Variants in LCLAT1 observed in about 807,000 individuals in gnomAD.
LCLAT1 encodes the protein 1-AGP acyltransferase 8.
A neutral mutation model predicts 30.7 loss-of-function variants in LCLAT1; 11 were observed. That is an observed-to-expected ratio of 0.36 (90% CI 0.23 to 0.59). The LOEUF is 0.59. LCLAT1 is among the 20% of genes least tolerant of loss of function. The pLI is 0.77. For missense variants in LCLAT1, 402 were observed against 458.6 expected (o/e 0.88, Z 1.13); for synonymous variants, 155 against 151.3 (o/e 1.02, Z -0.18).
At chr2:30,498,649 A>C (rs1246083327) in intron 1 of LCLAT1, among the ~76,000 whole-genome samples, 1 of 152,068 alleles carries the variant, frequency 6.6e-6, no homozygotes, top group African/African-American at 2.4e-5. Flanking sequence ...TTCTTACTTT[A>C]TCCTCTCTCA....
At chr2:30,552,589 G>A (rs1455759542) in intron 3 of LCLAT1, 2 of 439,468 alleles carry the variant, frequency 4.6e-6, no homozygotes, top group African/African-American at 2.0e-5. Context: ...GTTTTTAAAA[G>A]CCTTCGTGGA....
At chr2:30,639,252 C>T (rs1255522510) in intron 5 of LCLAT1, among the ~76,000 whole-genome samples, 3 of 152,204 alleles carry the variant, frequency 2.0e-5, no homozygotes, top group South Asian at 4.1e-4. Context: ...TAACACCTTA[C>T]GTGTTCCCAT....
At chr2:30,457,549 CTT>C (rs982595520) in intron 1 of LCLAT1, among the ~76,000 whole-genome samples, 6 of 152,160 alleles carry the variant, frequency 3.9e-5, no homozygotes, top group Non-Finnish European at 8.8e-5. Context: ...TTCTTTTTCT[CTT>C]TTGTGGAAGA....
chr2:30,519,127 G>A (rs921571216), intron 1 of LCLAT1, among the ~76,000 whole-genome samples: 1 of 152,184 alleles, frequency 6.6e-6, no homozygotes, highest in Non-Finnish European at 1.5e-5. Context: ...AACACATCCA[G>A]CTTATACTGG....
At chr2:30,466,753 A>G (rs991758781) in intron 1 of LCLAT1, among the ~76,000 whole-genome samples, 1 of 152,000 alleles carries the variant, frequency 6.6e-6, no homozygotes, top group Non-Finnish European at 1.5e-5. Flanking sequence ...CAAGCTCCCC[A>G]CCCCCTGGTA....
chr2:30,567,975 T>A (rs1665570587), intron 4 of LCLAT1, 85 bp from the exon 5 acceptor site: 6 of 685,512 alleles, frequency 8.8e-6, no homozygotes, highest in African/African-American at 1.8e-5. Flanking sequence ...AGCTATTTTT[T>A]ATCAAAAAAA....
chr2:30,503,308 A>G (rs751112745), intron 1 of LCLAT1, among the ~76,000 whole-genome samples: 36 of 152,154 alleles, frequency 2.4e-4, no homozygotes, highest in Admixed American at 1.2e-3. Context: ...TGACCAGAAA[A>G]CAAGTCCTGC....
intron 5 of LCLAT1, among the ~76,000 whole-genome samples, chr2:30,581,655 G>A (rs1395667855): frequency 6.6e-6 from 1 of 152,078 alleles, no homozygotes; most frequent in Non-Finnish European, 1.5e-5. Context: ...AATAAACCAG[G>A]CACAGAAAGA....
At chr2:30,634,948 T>G (rs1668953807) in intron 5 of LCLAT1, among the ~76,000 whole-genome samples, 1 of 152,256 alleles carries the variant, frequency 6.6e-6, no homozygotes, top group South Asian at 2.1e-4. Context: ...ACTGGCTCCC[T>G]GTGCCAGAGG....
intron 1 of LCLAT1, among the ~76,000 whole-genome samples, chr2:30,468,563 T>G (rs750472601): frequency 3.9e-5 from 6 of 152,120 alleles, no homozygotes; most frequent in Non-Finnish European, 5.9e-5. Flanking sequence ...TACAAGAAAT[T>G]AAGCATTTTA....
chr2:30,555,245 C>T (rs964532420), intron 3 of LCLAT1, among the ~76,000 whole-genome samples: 6 of 151,724 alleles, frequency 4.0e-5, no homozygotes, highest in African/African-American at 1.5e-4. Context: ...GATTTGGAAC[C>T]GCAAAATGCT....
At chr2:30,604,983 T>C (rs1667367224) in intron 5 of LCLAT1, among the ~76,000 whole-genome samples, 1 of 152,244 alleles carries the variant, frequency 6.6e-6, no homozygotes, top group African/African-American at 2.4e-5. Context: ...GAGGTTGCAC[T>C]AGATGACCTC....
At chr2:30,619,797 T>TC (rs979922965) in intron 5 of LCLAT1, among the ~76,000 whole-genome samples, 42 of 152,224 alleles carry the variant, frequency 2.8e-4, no homozygotes, top group Admixed American at 1.7e-3. Context: ...TTTAAGTTTT[T>TC]CCCCCCAATC....
At chr2:30,523,412 C>T (rs1424272610) in intron 1 of LCLAT1, among the ~76,000 whole-genome samples, 1 of 152,108 alleles carries the variant, frequency 6.6e-6, no homozygotes, top group Non-Finnish European at 1.5e-5. Flanking sequence ...AATTGTTCAG[C>T]ATGCTGCTTT....
At chr2:30,623,862 A>G (rs1349111802) in intron 5 of LCLAT1, among the ~76,000 whole-genome samples, 1 of 152,222 alleles carries the variant, frequency 6.6e-6, no homozygotes, top group African/African-American at 2.4e-5. Flanking sequence ...CTGTAAGGCA[A>G]ATGCATCAGG....
rs1033294994 is a variant in LCLAT1, at chr2:30,642,288, C to T, written c.*1669C>T. 6.6e-6 allele frequency: 1 copy of T among 152,180 alleles called. No individual in the cohort carries two copies. 9.4% of individuals were successfully genotyped at this position (152,180 alleles called of 1,614,324 possible). On this transcript the variant is annotated 3_prime_UTR_variant, in exon 6 of 6. Coordinates refer to ENST00000379509, the MANE Select transcript of LCLAT1 (RefSeq NM_001002257.3). ...CACCAACCCATATTCCTCTGCTCCCCCAAAGCTGTTTCTGATCCTGCTGGG... is the reference window on the plus strand; with the variant it reads ...CACCAACCCATATTCCTCTGCTCCCTCAAAGCTGTTTCTGATCCTGCTGGG...
At chr2:30,547,641 G>A (rs775211416) in intron 3 of LCLAT1, among the ~76,000 whole-genome samples, 4 of 152,008 alleles carry the variant, frequency 2.6e-5, no homozygotes, top group African/African-American at 7.2e-5. Flanking sequence ...GGACAGTATT[G>A]TGTTAGCACA....
chr2:30,511,466 T>G (rs1684935419), intron 1 of LCLAT1, among the ~76,000 whole-genome samples: 1 of 152,248 alleles, frequency 6.6e-6, no homozygotes, highest in Non-Finnish European at 1.5e-5. Flanking sequence ...AAAATTCATT[T>G]CTTCAATGGC....
intron 3 of LCLAT1, among the ~76,000 whole-genome samples, chr2:30,555,274 C>T (rs1325279244): frequency 6.6e-6 from 1 of 152,004 alleles, no homozygotes; most frequent in African/African-American, 2.4e-5. Context: ...CCAAACTAGC[C>T]TCTAAAATTG....
Sources: allele counts gnomAD v4.1 joint callset (sites outside exome capture counted in the v4.1 genomes callset), GRCh38; gene constraint gnomAD v4.1.1; transcripts MANE v1.5; gene names NCBI Gene and HGNC (gene_info 2026-07-23, HGNC 2026-07-21).